Variants in PPP1R1C observed in about 807,000 individuals in gnomAD.
The protein encoded by PPP1R1C is protein phosphatase 1 regulatory inhibitor subunit 1C.
A neutral mutation model predicts 17.4 loss-of-function variants in PPP1R1C; 15 were observed. The ratio of observed to expected loss-of-function variants is 0.86; its 90% CI spans 0.58 to 1.33. The LOEUF (loss-of-function observed/expected upper bound fraction) is 1.33, where lower values mean the gene tolerates loss of function less well. PPP1R1C is among the 40% of genes most tolerant of loss of function. PPP1R1C has a pLI of 0.00. For synonymous variants in PPP1R1C, 35 were observed against 43.1 expected, an observed-to-expected ratio of 0.81 and a Z score of 0.73; for missense variants, 143 against 130.0, an observed-to-expected ratio of 1.10 and a Z score of -0.48.
intron 4 of PPP1R1C, among the ~76,000 whole-genome samples, chr2:182,081,881 ACATAAAAAGT>A (rs1688490046): frequency 6.6e-6 from 1 of 152,200 alleles, no homozygotes; most frequent in South Asian, 2.1e-4. Context: ...CCGTATGTCC[ACATAAAAAGT>A]CATAAATATC....
chr2:182,080,186 C>T (rs1311046908), intron 4 of PPP1R1C, among the ~76,000 whole-genome samples: 1 of 152,174 alleles, frequency 6.6e-6, no homozygotes, highest in East Asian at 1.9e-4. Flanking sequence ...AAGCCATTTC[C>T]AGTTTCACCT....
At chr2:182,051,676 A>C (rs1687522028) in intron 2 of PPP1R1C, among the ~76,000 whole-genome samples, 1 of 152,194 alleles carries the variant, frequency 6.6e-6, no homozygotes, top group Non-Finnish European at 1.5e-5. Flanking sequence ...ACACTTCTTA[A>C]TCATAAAATT....
At chr2:182,055,040 T>C (rs1384623783) in intron 2 of PPP1R1C, among the ~76,000 whole-genome samples, 1 of 152,092 alleles carries the variant, frequency 6.6e-6, no homozygotes, top group Admixed American at 6.6e-5. Context: ...CATCTACCAT[T>C]TTAGTTTTCC....
chr2:182,065,665 G>A (rs2125200265), intron 4 of PPP1R1C, among the ~76,000 whole-genome samples: 1 of 152,150 alleles, frequency 6.6e-6, no homozygotes, highest in Admixed American at 6.6e-5. Flanking sequence ...AGGCTATAGG[G>A]CATTATGATT....
At chr2:182,109,300 C>T (rs1515897) in intron 4 of PPP1R1C, among the ~76,000 whole-genome samples, 36,829 of 151,956 alleles carry the variant, frequency 0.24, 4,999 homozygotes, top group African/African-American at 0.37. Context: ...GGCTTGTATT[C>T]GCATCCTTTA....
chr2:182,107,907 C>T (rs1054982966), intron 4 of PPP1R1C, among the ~76,000 whole-genome samples: 5 of 151,778 alleles, frequency 3.3e-5, no homozygotes, highest in African/African-American at 7.3e-5. Context: ...TGTAGGTGAA[C>T]GTTTTGTGCT....
In PPP1R1C at chr2:182,029,351, C is replaced by T. The variant is rs1361534644; in HGVS notation, c.143-32091C>T. On this transcript the variant is annotated intron_variant, in intron 2 of 4. Coordinates refer to ENST00000682840, the MANE Select transcript of PPP1R1C (RefSeq NM_001080545.3). Reference sequence around the variant, plus strand: ...GGCATGATTTTGTAGCGGCTGGTACCGGTTGTTCCTTTCCATGTTTAGCAC... The same window carrying T: ...GGCATGATTTTGTAGCGGCTGGTACTGGTTGTTCCTTTCCATGTTTAGCAC... 1.4e-3 allele frequency among the ~76,000 whole-genome samples: 219 copies of T among 152,064 alleles called. 1 individual carries two copies. Among genetic ancestry groups the T allele is most frequent in the African/African-American group, 5.0e-3 (206 of 41,462 alleles).
chr2:182,082,750 G>T (rs1390599762), intron 4 of PPP1R1C, among the ~76,000 whole-genome samples: 1 of 152,150 alleles, frequency 6.6e-6, no homozygotes, highest in Non-Finnish European at 1.5e-5. Context: ...GGATCTCTCT[G>T]ATCAACTATA....
At chr2:182,017,892 A>G (rs1284095001) in intron 2 of PPP1R1C, among the ~76,000 whole-genome samples, 2 of 152,148 alleles carry the variant, frequency 1.3e-5, no homozygotes, top group Non-Finnish European at 2.9e-5. Context: ...GGGAAAGATC[A>G]TACTTTTTTG....
intron 1 of PPP1R1C, among the ~76,000 whole-genome samples, chr2:181,971,852 TG>T (rs772890666): frequency 9.2e-5 from 14 of 152,186 alleles, no homozygotes; most frequent in Non-Finnish European, 2.1e-4. Context: ...AGGGCAACAC[TG>T]AGTTCCAATG....
At chr2:182,087,451 T>G (rs567911271) in intron 4 of PPP1R1C, among the ~76,000 whole-genome samples, 8 of 152,350 alleles carry the variant, frequency 5.3e-5, no homozygotes, top group African/African-American at 1.9e-4. Context: ...GCTGCTTTCA[T>G]CTTTTTAACA....
chr2:182,030,807 C>G (rs1423435212), intron 2 of PPP1R1C: 1 of 160,260 alleles, frequency 6.2e-6, no homozygotes, highest in East Asian at 1.8e-4. Context: ...TGCCCCTCCC[C>G]TAGCCTCGCT....
chr2:181,997,885 C>G (rs1043045364), intron 2 of PPP1R1C, among the ~76,000 whole-genome samples: 1 of 152,116 alleles, frequency 6.6e-6, no homozygotes, highest in Non-Finnish European at 1.5e-5. Context: ...ATCACTAAAC[C>G]ACACAACGTT....
intron 2 of PPP1R1C, among the ~76,000 whole-genome samples, chr2:182,035,325 A>T (rs114272675): frequency 0.018 from 2,676 of 152,370 alleles, 68 homozygotes; most frequent in African/African-American, 0.061. Context: ...ACAATATTTC[A>T]TCAGCTTTTA....
intron 4 of PPP1R1C, among the ~76,000 whole-genome samples, chr2:182,088,554 G>A (rs772242589): frequency 3.3e-5 from 5 of 152,156 alleles, no homozygotes; most frequent in African/African-American, 9.7e-5. Flanking sequence ...TCAAGGCGAT[G>A]GGGACATAGA....
chr2:182,066,662 TA>T (rs1559079135), intron 4 of PPP1R1C, among the ~76,000 whole-genome samples: 1 of 152,140 alleles, frequency 6.6e-6, no homozygotes, highest in Non-Finnish European at 1.5e-5. Context: ...ATATTGTGCA[TA>T]AAAATGACAG....
chr2:182,018,266 G>C (rs561841724), intron 2 of PPP1R1C, among the ~76,000 whole-genome samples: 1 of 152,264 alleles, frequency 6.6e-6, no homozygotes. Context: ...TGATTAGCGA[G>C]CTTACAAACT....
chr2:182,052,278 A>G (rs1319515100), intron 2 of PPP1R1C, among the ~76,000 whole-genome samples: 3 of 152,242 alleles, frequency 2.0e-5, no homozygotes, highest in Admixed American at 6.5e-5. Flanking sequence ...TCAGATTAAA[A>G]AAGTGTCAAT....
chr2:182,091,185 G>T (rs1559089175), intron 4 of PPP1R1C, among the ~76,000 whole-genome samples: 1 of 152,132 alleles, frequency 6.6e-6, no homozygotes, highest in Non-Finnish European at 1.5e-5. Context: ...CTGAGAAGGA[G>T]AATTAATTAA....
Sources: gnomAD v4.1 joint callset for allele counts (sites outside exome capture counted in the v4.1 genomes callset) on GRCh38, gnomAD v4.1.1 for gene constraint, MANE v1.5 for transcripts, NCBI Gene and HGNC (gene_info 2026-07-23, HGNC 2026-07-21) for gene names.